Variants in MTHFS observed in about 807,000 individuals in gnomAD.
The protein encoded by MTHFS is methenyltetrahydrofolate synthetase.
In MTHFS, 7 loss-of-function variants were observed where a neutral mutation model predicts 12.7. The observed-to-expected ratio is 0.55, with a 90% CI of 0.31 to 1.03. The LOEUF (loss-of-function observed/expected upper bound fraction) is 1.03. Ranked by LOEUF, MTHFS falls within the 50% of genes least tolerant of loss-of-function variation. The pLI, the probability that MTHFS is intolerant of heterozygous loss-of-function variation, is 0.05. For synonymous variants in MTHFS, 100 were observed against 97.1 expected (o/e 1.03, Z -0.18); for missense variants, 252 against 258.1 (o/e 0.98, Z 0.16).
At chr15:79,890,206 CCTTTTTTTTTT>C (rs2034450436) in intron 1 of MTHFS, among the ~76,000 whole-genome samples, 1 of 122,530 alleles carries the variant, frequency 8.2e-6, no homozygotes, top group Non-Finnish European at 1.7e-5. Flanking sequence ...TCTCTTTTTT[CCTTTTTTTTTT>C]TTTTTTTTTT....
chr15:79,852,229 T>C (rs1414549374), intron 2 of MTHFS, among the ~76,000 whole-genome samples: 1 of 152,212 alleles, frequency 6.6e-6, no homozygotes, highest in East Asian at 1.9e-4. Flanking sequence ...CTCATTATGA[T>C]TGCCTTAGAA....
chr15:79,860,849 A>C (rs1284724529), intron 2 of MTHFS, among the ~76,000 whole-genome samples: 5 of 152,196 alleles, frequency 3.3e-5, no homozygotes, highest in African/African-American at 1.2e-4. Context: ...TGAGAGACTT[A>C]TTAAAAGGGG....
At chr15:79,847,940 T>C (rs1484009874) in intron 2 of MTHFS, among the ~76,000 whole-genome samples, 1 of 152,166 alleles carries the variant, frequency 6.6e-6, no homozygotes, top group African/African-American at 2.4e-5. Context: ...GAAAAGAGTA[T>C]ATGGGTTCCT....
intron 2 of MTHFS, among the ~76,000 whole-genome samples, chr15:79,886,913 T>C (rs962973323): frequency 2.0e-5 from 3 of 152,234 alleles, no homozygotes; most frequent in African/African-American, 4.8e-5. Context: ...TTACCATTTA[T>C]TCGATAGCTC....
At chr15:79,851,948 T>C (rs2033724182) in intron 2 of MTHFS, among the ~76,000 whole-genome samples, 2 of 152,176 alleles carry the variant, frequency 1.3e-5, no homozygotes, top group African/African-American at 2.4e-5. Flanking sequence ...CTATGAAACA[T>C]CATCAAAATT....
At chr15:79,880,478 C>A (rs2034278010) in intron 2 of MTHFS, among the ~76,000 whole-genome samples, 1 of 151,962 alleles carries the variant, frequency 6.6e-6, no homozygotes, top group African/African-American at 2.4e-5. Flanking sequence ...GCTATTATAT[C>A]TGCATTTCTT....
chr15:79,897,090 C>A (rs968264309), upstream of MTHFS: 76 of 1,189,372 alleles, frequency 6.4e-5, no homozygotes, highest in East Asian at 9.6e-5. Context: ...GGCCTAGGGG[C>A]GGGTCGGGGC....
intron 2 of MTHFS, among the ~76,000 whole-genome samples, chr15:79,886,842 G>C (rs1457554984): frequency 6.6e-6 from 1 of 152,140 alleles, no homozygotes; most frequent in African/African-American, 2.4e-5. Flanking sequence ...TTAACTACTT[G>C]GCTAGTAATG....
rs749908152 is a variant in MTHFS at position 79,889,354 on chromosome 15, C to T, written c.118G>A (p.Val40Met). ...TTTTGATACTCACTGTGGGCAATCA[C>T]CTAAATGGGAAATTATGGCAATTAT... ...LRQSRVLSQKVIAHSEYQKSK... is the reference protein window; with the variant it reads ...LRQSRVLSQKMIAHSEYQKSK... The change falls in exon 2 of 3, where the codon GTG (valine) becomes ATG (methionine). Residue 40 changes from valine (V) to methionine (M), a missense_variant and splice_region_variant. By Grantham distance (21) the Val-to-Met change is conservative. Coordinates refer to ENST00000258874, the MANE Select transcript of MTHFS (RefSeq NM_006441.4). 3 of 1,610,476 alleles carry T rather than the reference C, an allele frequency of 1.9e-6. No individual in the cohort carries two copies. Among genetic ancestry groups the T allele is most frequent in the Non-Finnish European group, 8.5e-7 (1 of 1,177,540 alleles).
rs375170671 is a variant in MTHFS at position 79,896,935 on chromosome 15, C to T, written c.54G>A (p.Lys18=). 6,926 of 1,540,104 alleles carry T rather than the reference C, an allele frequency of 4.5e-3. 21 individuals carry two copies. Among genetic ancestry groups the T allele is most frequent in the Non-Finnish European group, 5.3e-3 (6,121 of 1,145,966 alleles). Residue 18 remains lysine, a synonymous_variant, in exon 1 of 3, where the codon AAG becomes AAA. Transcript: ENST00000258874. ...CGGCACTCATCGCCCGCAGACGCTG[C>T]TTCAGCTCTCCCCGCAGGCTCCGCT... ...SAKRSLRGEL[K]QRLRAMSAEE... is the part of the protein sequence containing the mutation.
At chr15:79,867,579 T>C (rs1035231320) in intron 2 of MTHFS, among the ~76,000 whole-genome samples, 10 of 147,242 alleles carry the variant, frequency 6.8e-5, no homozygotes, top group Non-Finnish European at 1.4e-4. Context: ...CGTAGATAAA[T>C]GAAAAAATAG....
Position 79,896,961 on chromosome 15 carries a change from T to C in MTHFS, c.28A>G (p.Lys10Glu), listed in dbSNP as rs775176873. The C allele has an allele frequency of 6.5e-7, 1 of 1,535,178 alleles. No homozygotes were observed. MAAAAVSSAKRSLRGELKQR... is the reference protein window; with the variant it reads MAAAAVSSAERSLRGELKQR... ...TTCAGCTCTCCCCGCAGGCTCCGCT[T>C]GGCGCTGCTCACCGCTGCCGCCGCC... Residue 10 changes from lysine (K) to glutamate (E), a missense_variant, in exon 1 of 3, where the codon AAG becomes GAG. Transcript: ENST00000258874.
intron 2 of MTHFS, among the ~76,000 whole-genome samples, chr15:79,871,717 A>G (rs188422178): frequency 7.0e-4 from 107 of 152,320 alleles, no homozygotes; most frequent in African/African-American, 2.4e-3. Flanking sequence ...ACTACCAAGG[A>G]AACTCTGTAT....
intron 2 of MTHFS, among the ~76,000 whole-genome samples, chr15:79,866,050 T>G (rs1456707254): frequency 1.3e-5 from 2 of 151,868 alleles, no homozygotes; most frequent in Non-Finnish European, 2.9e-5. Flanking sequence ...TTATAAGTTT[T>G]TTTTTTTTTT....
chr15:79,845,689 C>T (rs1289298155), intron 2 of MTHFS, among the ~76,000 whole-genome samples: 1 of 152,156 alleles, frequency 6.6e-6, no homozygotes, highest in African/African-American at 2.4e-5. Context: ...GCCAGATTCC[C>T]AGGCCTCATT....
intron 2 of MTHFS, chr15:79,876,583 C>G (rs2034198952): frequency 6.8e-6 from 1 of 146,970 alleles, no homozygotes; most frequent in Non-Finnish European, 1.5e-5. Flanking sequence ...CCACTGCACT[C>G]CAGCCTAGGT....
At chr15:79,867,009 T>C (rs754000211) in intron 2 of MTHFS, among the ~76,000 whole-genome samples, 1 of 152,078 alleles carries the variant, frequency 6.6e-6, no homozygotes. Context: ...AAAGTACTCT[T>C]TTAGTGCCAA....
chr15:79,851,626 G>A (rs946187567), intron 2 of MTHFS, among the ~76,000 whole-genome samples: 4 of 152,126 alleles, frequency 2.6e-5, no homozygotes, highest in African/African-American at 9.7e-5. Context: ...ATCTACCTAG[G>A]GAGGCAGGAG....
At chr15:79,865,554 G>C (rs953983293) in intron 2 of MTHFS, among the ~76,000 whole-genome samples, 5 of 152,164 alleles carry the variant, frequency 3.3e-5, no homozygotes, top group African/African-American at 1.2e-4. Flanking sequence ...TGGGTCTCTG[G>C]GCAGCAAGTT....
Sources: allele counts gnomAD v4.1 joint callset (sites outside exome capture counted in the v4.1 genomes callset), GRCh38; gene constraint gnomAD v4.1.1; transcripts MANE v1.5; gene names NCBI Gene and HGNC (gene_info 2026-07-23, HGNC 2026-07-21).